Variants in PTPRD observed in about 807,000 individuals in gnomAD.
PTPRD encodes receptor-type tyrosine-protein phosphatase delta.
A neutral mutation model predicts 214.5 loss-of-function variants in PTPRD; 34 were observed. The ratio of observed to expected loss-of-function variants is 0.16; its 90% CI spans 0.12 to 0.21. PTPRD has a LOEUF of 0.21. PTPRD is among the 10% of genes least tolerant of loss of function. The pLI is 1.00. For synonymous variants in PTPRD, 1,128 were observed against 845.7 expected, an observed-to-expected ratio of 1.33 and a Z score of -5.79; for missense variants, 2,545 against 2,398.7, an observed-to-expected ratio of 1.06 and a Z score of -1.27.
chr9:10,538,042 C>G (rs916313198), intron 2 of PTPRD, among the ~76,000 whole-genome samples: 2 of 152,024 alleles, frequency 1.3e-5, no homozygotes, highest in African/African-American at 4.8e-5. Flanking sequence ...TGATGTCAGA[C>G]AGACCTGAAT....
At chr9:9,915,399 T>A (rs1041702248) in intron 5 of PTPRD, among the ~76,000 whole-genome samples, 17 of 151,298 alleles carry the variant, frequency 1.1e-4, no homozygotes, top group Non-Finnish European at 5.9e-5. Context: ...AGGAAATATA[T>A]GAAATGCCAG....
chr9:9,360,341 A>G (rs555776993), intron 9 of PTPRD, among the ~76,000 whole-genome samples: 9 of 151,406 alleles, frequency 5.9e-5, no homozygotes, highest in African/African-American at 2.2e-4. Context: ...GAAGCAAATA[A>G]TAGGAAAAAG....
At chr9:9,161,808 G>C (rs1036129979) in intron 10 of PTPRD, among the ~76,000 whole-genome samples, 1 of 151,938 alleles carries the variant, frequency 6.6e-6, no homozygotes. Context: ...GGTAAACTAT[G>C]TAACACATCA....
intron 11 of PTPRD, among the ~76,000 whole-genome samples, chr9:8,981,124 C>A (rs200189232): frequency 6.6e-6 from 1 of 151,840 alleles, no homozygotes; most frequent in East Asian, 1.9e-4. Flanking sequence ...GGATGCTGAT[C>A]TAATATTGGG....
intron 14 of PTPRD, among the ~76,000 whole-genome samples, chr9:8,596,009 A>T (rs1375108988): frequency 6.6e-6 from 1 of 152,186 alleles, no homozygotes; most frequent in African/African-American, 2.4e-5. Flanking sequence ...CTGATCAAGG[A>T]TTTTCTTAAA....
At chr9:9,274,412 C>A (rs1944167108) in intron 9 of PTPRD, among the ~76,000 whole-genome samples, 1 of 151,304 alleles carries the variant, frequency 6.6e-6, no homozygotes, top group South Asian at 2.1e-4. Context: ...AGATACTCAA[C>A]CAATTATTAT....
At chr9:10,008,356 G>C (rs988038545) in intron 4 of PTPRD, among the ~76,000 whole-genome samples, 1 of 151,888 alleles carries the variant, frequency 6.6e-6, no homozygotes, top group Non-Finnish European at 1.5e-5. Context: ...ATTCCTTCCT[G>C]ATGAGAGACC....
At chr9:8,617,070 C>CT (rs574636432) in intron 14 of PTPRD, among the ~76,000 whole-genome samples, 1 of 151,980 alleles carries the variant, frequency 6.6e-6, no homozygotes. Flanking sequence ...TTTACAAATC[C>CT]TTTTTTTCCC....
chr9:9,401,255 ATC>A (rs1311875991), intron 8 of PTPRD, among the ~76,000 whole-genome samples: 14 of 152,080 alleles, frequency 9.2e-5, no homozygotes, highest in African/African-American at 2.9e-4. Context: ...ATACATAATA[ATC>A]TCTGTCTCTA....
intron 8 of PTPRD, among the ~76,000 whole-genome samples, chr9:9,571,653 T>A (rs2154300803): frequency 6.6e-6 from 1 of 151,226 alleles, no homozygotes; most frequent in Non-Finnish European, 1.5e-5. Context: ...AGTGCTGAAT[T>A]TTCATTTCAA....
At chr9:9,982,667 C>G (rs1379991674) in intron 4 of PTPRD, among the ~76,000 whole-genome samples, 1 of 151,888 alleles carries the variant, frequency 6.6e-6, no homozygotes, top group Non-Finnish European at 1.5e-5. Context: ...ATCCAGAAGT[C>G]AGATCAAGGC....
At chr9:8,959,147 A>G (rs949595056) in intron 11 of PTPRD, among the ~76,000 whole-genome samples, 7 of 152,032 alleles carry the variant, frequency 4.6e-5, no homozygotes, top group African/African-American at 1.7e-4. Context: ...GAATGCCTTC[A>G]TTCATTCATT....
At chr9:9,105,912 T>C (rs1212167880) in intron 10 of PTPRD, among the ~76,000 whole-genome samples, 1 of 152,212 alleles carries the variant, frequency 6.6e-6, no homozygotes, top group African/African-American at 2.4e-5. Flanking sequence ...GTGCTCTTTT[T>C]GGTACATTCA....
At chr9:10,052,955 T>C (rs1232189920) in intron 3 of PTPRD, among the ~76,000 whole-genome samples, 1 of 152,090 alleles carries the variant, frequency 6.6e-6, no homozygotes, top group Non-Finnish European at 1.5e-5. Flanking sequence ...TATATTTCAA[T>C]AATTCTTTAC....
intron 2 of PTPRD, among the ~76,000 whole-genome samples, chr9:10,580,175 C>A (rs1434018117): frequency 1.3e-5 from 2 of 152,186 alleles, no homozygotes; most frequent in Admixed American, 1.3e-4. Context: ...GACAATAACA[C>A]ATTTTAGTAA....
intron 14 of PTPRD, among the ~76,000 whole-genome samples, chr9:8,532,737 G>A (rs1269470770): frequency 6.6e-6 from 1 of 151,940 alleles, no homozygotes; most frequent in African/African-American, 2.4e-5. Context: ...ATTTTGAGAG[G>A]CCATTAAAGG....
intron 35 of PTPRD, among the ~76,000 whole-genome samples, chr9:8,427,220 A>C (rs1340574445): frequency 6.6e-6 from 1 of 152,194 alleles, no homozygotes; most frequent in East Asian, 1.9e-4. Flanking sequence ...ATTAAAATGT[A>C]ATCACTTCTG....
chr9:8,401,116 A>C (rs1359551482), intron 36 of PTPRD, among the ~76,000 whole-genome samples: 2 of 152,084 alleles, frequency 1.3e-5, no homozygotes, highest in Non-Finnish European at 2.9e-5. Flanking sequence ...TTAGCTTCCA[A>C]TATCCAAGTA....
At chr9:10,389,957 A>C (rs2098021840) in intron 2 of PTPRD, among the ~76,000 whole-genome samples, 1 of 151,836 alleles carries the variant, frequency 6.6e-6, no homozygotes, top group South Asian at 2.1e-4. Context: ...ATTAATTAAG[A>C]GAATCTATAG....
Sources: allele counts gnomAD v4.1 joint callset (sites outside exome capture counted in the v4.1 genomes callset), GRCh38; gene constraint gnomAD v4.1.1; transcripts MANE v1.5; gene names NCBI Gene and HGNC (gene_info 2026-07-23, HGNC 2026-07-21).